Variants in PCYT1A observed in about 807,000 individuals in gnomAD.
PCYT1A encodes the protein choline-phosphate cytidylyltransferase A.
In PCYT1A, 25 loss-of-function variants were observed where a neutral mutation model predicts 43.7. The ratio of observed to expected loss-of-function variants is 0.57; its 90% CI spans 0.42 to 0.80. PCYT1A has a LOEUF of 0.80. Ranked by LOEUF, PCYT1A falls within the 30% of genes least tolerant of loss-of-function variation. PCYT1A has a pLI of 0.00. For synonymous variants in PCYT1A, 172 were observed against 170.7 expected (o/e 1.01, Z -0.06); for missense variants, 421 against 474.2 (o/e 0.89, Z 1.04).
At position 196,241,845 on chromosome 3, in the gene PCYT1A, G is replaced by A. The variant is rs745996456; in HGVS notation, c.708+103C>T. The A allele has an allele frequency of 7.3e-6, 10 of 1,377,572 alleles. No homozygotes were observed. In the South Asian group the frequency reaches 1.1e-4, roughly 15 times the overall value. The allele number at this position is 1,377,572 out of a possible 1,614,324, so 85.3% of individuals were successfully genotyped here. A position where few individuals can be genotyped will look rare whatever the true frequency, so the allele number is the denominator to read the frequency against. ...TAATTCATTCACTGAACTTTTGGGA[G>A]TGATCATCAAAGCCAACTGCAAAGC... is the stretch of plus-strand genomic sequence containing the variant. On this transcript the variant is annotated intron_variant, in intron 7 of 8. Coordinates refer to ENST00000431016, the MANE Select transcript of PCYT1A (RefSeq NM_001312673.2).
chr3:196,286,062 T>C (rs1050470527), intron 1 of PCYT1A, among the ~76,000 whole-genome samples: 80 of 31,094 alleles, frequency 2.6e-3, no homozygotes, highest in African/African-American at 7.6e-3. Flanking sequence ...CCACTGTCCC[T>C]TTTTTTTTTT....
At chr3:196,249,902 T>C (rs1016968387) in intron 3 of PCYT1A, among the ~76,000 whole-genome samples, 5 of 144,700 alleles carry the variant, frequency 3.5e-5, no homozygotes, top group African/African-American at 1.0e-4. Flanking sequence ...CCAGATACAC[T>C]ATGCTGAGGC....
At chr3:196,253,261 C>T (rs1163630142) in intron 3 of PCYT1A, among the ~76,000 whole-genome samples, 2 of 145,086 alleles carry the variant, frequency 1.4e-5, no homozygotes, top group Non-Finnish European at 3.0e-5. Flanking sequence ...CTCTTGAACC[C>T]AGGAGGCAGA....
At chr3:196,240,560 C>T in intron 7 of PCYT1A, 1 of 152,322 alleles carries the variant, frequency 6.6e-6, no homozygotes, top group Non-Finnish European at 1.5e-5. Context: ...GGTATGGTGG[C>T]CTGTGCCTGT....
intron 1 of PCYT1A, among the ~76,000 whole-genome samples, chr3:196,272,942 C>T (rs1725478194): frequency 1.3e-5 from 2 of 152,216 alleles, no homozygotes; most frequent in Admixed American, 6.5e-5. Flanking sequence ...GCCTGGTAGG[C>T]TATGCTCAGC....
At chr3:196,284,253 G>T (rs1237270317) in intron 1 of PCYT1A, among the ~76,000 whole-genome samples, 1 of 152,076 alleles carries the variant, frequency 6.6e-6, no homozygotes, top group African/African-American at 2.4e-5. Context: ...TTTTATTTGA[G>T]CATTTCAAAA....
rs1229889526 is a variant in PCYT1A, at chr3:196,234,940, C to T, written c.*3748G>A. ...CTTTAAAAATACTTATATTGGTAAGCTTAAAAAAATATCATCAGTTAAAAA... is the reference window on the plus strand; with the variant it reads ...CTTTAAAAATACTTATATTGGTAAGTTTAAAAAAATATCATCAGTTAAAAA... On this transcript the variant is annotated 3_prime_UTR_variant, in exon 9 of 9. Transcript: ENST00000431016. 6.6e-6 allele frequency: 1 copy of T among 152,050 alleles called. No individual in the cohort carries two copies. Among genetic ancestry groups the T allele is most frequent in the Non-Finnish European group, 1.5e-5 (1 of 68,014 alleles). The allele number at this position is 152,050 out of a possible 1,614,324, so 9.4% of individuals were successfully genotyped here. A position where few individuals can be genotyped will look rare whatever the true frequency, so the allele number is the denominator to read the frequency against.
chr3:196,266,517 A>T (rs917817284), intron 2 of PCYT1A, among the ~76,000 whole-genome samples: 2 of 152,004 alleles, frequency 1.3e-5, no homozygotes, highest in Non-Finnish European at 2.9e-5. Flanking sequence ...TGCTTACTCA[A>T]CCCAAATGTC....
chr3:196,263,615 C>A (rs938840987), intron 2 of PCYT1A, among the ~76,000 whole-genome samples: 1 of 152,016 alleles, frequency 6.6e-6, no homozygotes, highest in African/African-American at 2.4e-5. Flanking sequence ...AAAGATTCCA[C>A]CCCCCGGGGA....
chr3:196,253,336 C>CA lies in PCYT1A; in HGVS notation c.217+4451dup, dbSNP rs60342446. The stretch of plus-strand genomic sequence containing the variant: ...TGCGAGACAGAGCAAGACTCTGTCT[C>CA]AAAAAAAAAAAAAATTGAAGTATCC... On this transcript the variant is annotated intron_variant, in intron 3 of 8. Transcript: ENST00000431016. 5.6e-3 allele frequency among the ~76,000 whole-genome samples: 596 copies of CA among 105,818 alleles called. 21 individuals carry two copies. Among genetic ancestry groups the CA allele is most frequent in the Admixed American group, 0.022 (208 of 9,290 alleles). 69.4% of individuals were successfully genotyped at this position (105,818 alleles called of 152,430 possible). A position where few individuals can be genotyped will look rare whatever the true frequency, so the allele number is the denominator to read the frequency against.
In PCYT1A at chr3:196,247,442, C is replaced by T. The variant is rs774845477; in HGVS notation, c.411G>A (p.Gln137=). 2.5e-6 allele frequency: 4 copies of T among 1,614,066 alleles called. No individual in the cohort carries two copies. The highest frequency in any genetic ancestry group is 4.5e-5 in the East Asian group (2 of 44,902). Residue 137 remains glutamine, a synonymous_variant, in exon 5 of 9, where the codon CAG becomes CAA. Transcript: ENST00000431016. The surrounding 1 kb of genome is among the most constrained non-coding windows in gnomAD (Gnocchi z 4.8). The part of the protein sequence containing the change: ...MNENERYDAV[Q]HCRYVDEVVR... ...CCACCTCATCCACGTAGCGGCAGTG[C>T]TGGACTGCGTCATAGCGCTCATTCT...
intron 3 of PCYT1A, among the ~76,000 whole-genome samples, chr3:196,256,417 G>T (rs1440389151): frequency 6.6e-6 from 1 of 152,114 alleles, no homozygotes; most frequent in Non-Finnish European, 1.5e-5. Context: ...TTGAACCCGG[G>T]AGGAGGAGGT....
At chr3:196,245,922 G>T (rs913159159) in intron 5 of PCYT1A, among the ~76,000 whole-genome samples, 1 of 147,890 alleles carries the variant, frequency 6.8e-6, no homozygotes, top group Non-Finnish European at 1.5e-5. Context: ...TTGCACTCCA[G>T]CCTGGGCAAC....
intron 3 of PCYT1A, among the ~76,000 whole-genome samples, chr3:196,256,650 G>A (rs1019678654): frequency 1.3e-5 from 2 of 151,858 alleles, no homozygotes; most frequent in African/African-American, 2.4e-5. Context: ...CATAATTCTC[G>A]TGCCTTAGCC....
intron 8 of PCYT1A, among the ~76,000 whole-genome samples, chr3:196,239,315 G>T (rs1386931486): frequency 6.6e-6 from 1 of 152,128 alleles, no homozygotes; most frequent in Non-Finnish European, 1.5e-5. Context: ...TGCTTATCTT[G>T]TCACCAGACT....
chr3:196,271,368 A>G (rs1168755951), intron 1 of PCYT1A, among the ~76,000 whole-genome samples: 1 of 152,086 alleles, frequency 6.6e-6, no homozygotes, highest in Non-Finnish European at 1.5e-5. Context: ...ACTTCACCAG[A>G]GTTACTTGCA....
At chr3:196,244,893 C>CATCTG (rs1418600191) in intron 5 of PCYT1A, among the ~76,000 whole-genome samples, 4 of 152,076 alleles carry the variant, frequency 2.6e-5, no homozygotes, top group Non-Finnish European at 5.9e-5. Flanking sequence ...TTGAAGGCAG[C>CATCTG]ATGCTCGTTA....
At chr3:196,256,659 C>A (rs1477136351) in intron 3 of PCYT1A, among the ~76,000 whole-genome samples, 1 of 152,060 alleles carries the variant, frequency 6.6e-6, no homozygotes, top group African/African-American at 2.4e-5. Flanking sequence ...CGTGCCTTAG[C>A]CTCCCGAGTA....
At position 196,254,959 on chromosome 3, in the gene PCYT1A, C is replaced by G. The variant is rs116344439; in HGVS notation, c.217+2829G>C. On this transcript the variant is annotated intron_variant, in intron 3 of 8. Coordinates refer to ENST00000431016, the MANE Select transcript of PCYT1A (RefSeq NM_001312673.2). ...ATTTTTTTCATCTCCCAAAAGATTC[C>G]TAGAGCTGACCTTCTTGTCTCTCAA... 9.5e-3 allele frequency among the ~76,000 whole-genome samples: 1,452 copies of G among 152,098 alleles called. 27 individuals carry two copies. Among genetic ancestry groups the G allele is most frequent in the African/African-American group, 0.033 (1,362 of 41,476 alleles).
Sources: allele counts gnomAD v4.1 joint callset (sites outside exome capture counted in the v4.1 genomes callset), GRCh38; gene constraint gnomAD v4.1.1; non-coding constraint Gnocchi (gnomAD v3.1); transcripts MANE v1.5; gene names NCBI Gene and HGNC (gene_info 2026-07-23, HGNC 2026-07-21).